The following RARB variants were observed in gnomAD, a reference collection of about 807,000 sequenced individuals.
The protein encoded by RARB is retinoic acid receptor beta.
In RARB, 17 loss-of-function variants were observed where a neutral mutation model predicts 51.9. The observed-to-expected ratio is 0.33, with a 90% CI of 0.22 to 0.49. The LOEUF is 0.49. Among genes scored for constraint, RARB ranks in the 20% least tolerant of loss-of-function variants. RARB has a pLI of 0.99. For synonymous variants in RARB, 215 were observed against 195.4 expected (o/e 1.10, Z -0.84); for missense variants, 369 against 550.8 (o/e 0.67, Z 3.30).
chr3:24,900,665 G>A (rs1233233758), intron 2 of RARB, among the ~76,000 whole-genome samples: 2 of 152,196 alleles, frequency 1.3e-5, no homozygotes, highest in Non-Finnish European at 2.9e-5. Context: ...TGGCACAATA[G>A]AGTTGTTTGC....
chr3:25,456,475 T>C (rs1352941780), intron 1 of RARB, among the ~76,000 whole-genome samples: 14 of 151,876 alleles, frequency 9.2e-5, no homozygotes, highest in Admixed American at 9.2e-4. Flanking sequence ...ATATCCTGGT[T>C]TCCTGGTTGT....
intron 2 of RARB, among the ~76,000 whole-genome samples, chr3:24,999,980 C>A (rs375246692): frequency 2.8e-5 from 3 of 108,562 alleles, no homozygotes; most frequent in African/African-American, 1.1e-4. Context: ...CTTCTTGAAT[C>A]ATAAATTCAC....
At chr3:25,572,590 A>G (rs1416518732) in intron 4 of RARB, among the ~76,000 whole-genome samples, 4 of 152,158 alleles carry the variant, frequency 2.6e-5, no homozygotes, top group Non-Finnish European at 5.9e-5. Context: ...GAGGGTTGCC[A>G]AAAAGGGAGA....
intron 5 of RARB, among the ~76,000 whole-genome samples, chr3:25,355,791 T>A (rs962702865): frequency 2.6e-5 from 4 of 152,272 alleles, no homozygotes; most frequent in South Asian, 4.1e-4. Flanking sequence ...AGATCCATTT[T>A]AGGCATGCAA....
At chr3:25,457,642 C>A (rs989876379) in intron 1 of RARB, among the ~76,000 whole-genome samples, 1 of 152,166 alleles carries the variant, frequency 6.6e-6, no homozygotes, top group African/African-American at 2.4e-5. Context: ...CCCCAAGTTT[C>A]TTGGGTATTA....
At chr3:24,944,165 G>A (rs1461969693) in intron 2 of RARB, among the ~76,000 whole-genome samples, 1 of 152,096 alleles carries the variant, frequency 6.6e-6, no homozygotes, top group Non-Finnish European at 1.5e-5. Context: ...CTGTTTCAAA[G>A]CCCATGGCAG....
intron 2 of RARB, among the ~76,000 whole-genome samples, chr3:25,017,725 A>T (rs970980098): frequency 6.6e-6 from 1 of 152,208 alleles, no homozygotes; most frequent in Non-Finnish European, 1.5e-5. Flanking sequence ...AGTGCCTCTG[A>T]ATCAAGGCCA....
intron 1 of RARB, among the ~76,000 whole-genome samples, chr3:24,831,644 G>C (rs188748567): frequency 1.3e-4 from 20 of 149,952 alleles, no homozygotes; most frequent in South Asian, 8.3e-4. Flanking sequence ...TAGATATGGT[G>C]GGGGGGAACT....
intron 5 of RARB, among the ~76,000 whole-genome samples, chr3:25,177,734 T>C (rs1559493822): frequency 6.6e-6 from 1 of 152,196 alleles, no homozygotes; most frequent in African/African-American, 2.4e-5. Flanking sequence ...GCTCTGCATA[T>C]TGAACTTCTC....
At chr3:25,123,396 C>A (rs1379874540) in intron 3 of RARB, among the ~76,000 whole-genome samples, 1 of 152,168 alleles carries the variant, frequency 6.6e-6, no homozygotes, top group African/African-American at 2.4e-5. Flanking sequence ...GGCTTCTCCT[C>A]TATTTGTGCC....
At chr3:25,146,694 A>AT (rs1386449104) in intron 4 of RARB, among the ~76,000 whole-genome samples, 1 of 148,966 alleles carries the variant, frequency 6.7e-6, no homozygotes, top group Non-Finnish European at 1.5e-5. Flanking sequence ...TTTTTTTTGT[A>AT]TTTTTTAGTA....
intron 2 of RARB, among the ~76,000 whole-genome samples, chr3:25,009,468 G>A (rs909677214): frequency 2.0e-5 from 3 of 151,916 alleles, no homozygotes; most frequent in Admixed American, 6.6e-5. Context: ...AATTGTGATC[G>A]GCATAAAAAT....
intron 2 of RARB, among the ~76,000 whole-genome samples, chr3:25,041,775 T>C (rs1698119310): frequency 6.6e-6 from 1 of 152,110 alleles, no homozygotes; most frequent in Non-Finnish European, 1.5e-5. Context: ...AATGCATAAA[T>C]ATATAAATAA....
At chr3:25,405,423 T>C (rs2125497209) in intron 5 of RARB, among the ~76,000 whole-genome samples, 1 of 152,324 alleles carries the variant, frequency 6.6e-6, no homozygotes, top group East Asian at 1.9e-4. Flanking sequence ...GCAAACGTAT[T>C]ATAAGCATTG....
At chr3:25,205,484 G>A (rs188475432) in intron 5 of RARB, among the ~76,000 whole-genome samples, 242 of 152,206 alleles carry the variant, frequency 1.6e-3, no homozygotes, top group Middle Eastern at 6.8e-3. Context: ...ACCTCAGTTG[G>A]AAATGCAGAA....
intron 2 of RARB, among the ~76,000 whole-genome samples, chr3:24,915,071 G>A (rs960280149): frequency 3.3e-5 from 5 of 152,202 alleles, no homozygotes; most frequent in Admixed American, 3.3e-4. Flanking sequence ...GCACTTAGTG[G>A]TTAGTGGGGA....
chr3:25,330,059 G>T (rs978637993), intron 5 of RARB, among the ~76,000 whole-genome samples: 1 of 152,082 alleles, frequency 6.6e-6, no homozygotes, highest in African/African-American at 2.4e-5. Flanking sequence ...TGAAAGTGAC[G>T]GGGACAATGG....
At chr3:25,080,156 T>A (rs1025253597) in intron 3 of RARB, among the ~76,000 whole-genome samples, 1 of 152,212 alleles carries the variant, frequency 6.6e-6, no homozygotes, top group Admixed American at 6.5e-5. Context: ...TTTGCCTGTT[T>A]TGGGTATTTC....
At chr3:25,411,932 A>G (rs1488954452) in intron 5 of RARB, among the ~76,000 whole-genome samples, 1 of 152,232 alleles carries the variant, frequency 6.6e-6, no homozygotes, top group Admixed American at 6.5e-5. Flanking sequence ...CTGCAAGGCT[A>G]GGTAGGAAGA....
Sources: allele counts gnomAD v4.1 joint callset (sites outside exome capture counted in the v4.1 genomes callset), GRCh38; gene constraint gnomAD v4.1.1; transcripts MANE v1.5; gene names NCBI Gene and HGNC (gene_info 2026-07-23, HGNC 2026-07-21).